WDR5: variants seen among roughly 807,000 people sequenced by gnomAD.
WDR5 encodes WD repeat-containing protein 5.
For missense variants in WDR5, 187 were observed against 416.9 expected (o/e 0.45, Z 4.80); for synonymous variants, 144 against 161.6 (o/e 0.89, Z 0.83).
At chr9:134,152,148 A>T (rs569471618) in intron 9 of WDR5, 119 bp downstream of exon 9, 8 of 1,210,836 alleles carry the variant, frequency 6.6e-6, no homozygotes, top group Admixed American at 2.4e-5. Context: ...CCCCTGCAGG[A>T]GGAACCTTCC....
Position 134,142,017 on chromosome 9 carries a change from G to A in WDR5, c.333G>A (p.Leu111=). The A allele has an allele frequency of 1.2e-6, 2 of 1,614,124 alleles. No homozygotes were observed. The highest frequency in any genetic ancestry group is 1.7e-6 in the Non-Finnish European group (2 of 1,180,024). The change falls in exon 5 of 14, where the codon TTG becomes TTA. Residue 111 remains leucine (L), a synonymous_variant. Coordinates refer to ENST00000358625, the MANE Select transcript of WDR5 (RefSeq NM_017588.3). ...LLVSASDDKT[L]KIWDVSSGKC... is the part of the protein sequence containing the mutation. ...TTTCTGCCTCAGATGACAAAACCTT[G>A]AAGATATGGGACGTGAGCTCGGTAA...
intron 9 of WDR5, 80 bp downstream of exon 9, chr9:134,152,109 C>G (rs532518137): frequency 6.8e-7 from 1 of 1,480,692 alleles, no homozygotes; most frequent in African/African-American, 1.4e-5. Flanking sequence ...TCTTCACCAG[C>G]TCCTCCTCCC....
At position 134,157,990 on chromosome 9, in the gene WDR5, C is replaced by T; in HGVS notation, c.1002C>T (p.Cys334=). The change falls in exon 14 of 14, where the codon TGC becomes TGT. Residue 334 remains cysteine, a synonymous_variant. Coordinates refer to ENST00000358625, the MANE Select transcript of WDR5 (RefSeq NM_017588.3). The surrounding 1 kb of genome is among the most constrained non-coding windows in gnomAD (Gnocchi z 5.0). The stretch of plus-strand genomic sequence containing the variant: ...CAATTAAACTGTGGAAGAGTGACTG[C>T]TAAGTCCCTTTGCTCCTGCCCGCGA... ...DKTIKLWKSD[C] is the part of the protein sequence containing the mutation. 6.2e-7 allele frequency: 1 copy of T among 1,613,684 alleles called. No individual in the cohort carries two copies. The highest frequency in any genetic ancestry group is 8.5e-7 in the Non-Finnish European group (1 of 1,179,614).
At chr9:134,149,609 C>T (rs1832394036) in intron 8 of WDR5, among the ~76,000 whole-genome samples, 1 of 152,148 alleles carries the variant, frequency 6.6e-6, no homozygotes, top group South Asian at 2.1e-4. Context: ...ACGGGACAGT[C>T]TCAGAATTAC....
chr9:134,159,837 C>T lies in WDR5; in HGVS notation c.*1844C>T, dbSNP rs1366147845. ...AGTCTTGTTCTGGGGGGACGGCCCA[C>T]TCCGGGGAGGGGGTGTGCTGTGCTG... On this transcript the variant is annotated 3_prime_UTR_variant, in exon 14 of 14. Transcript: ENST00000358625. This position sits in a 1 kb window ranked among gnomAD's most constrained non-coding sequence, Gnocchi z 4.3. 3.9e-5 allele frequency: 6 copies of T among 152,200 alleles called. No individual in the cohort carries two copies. Among genetic ancestry groups the T allele is most frequent in the Admixed American group, 3.3e-4 (5 of 15,276 alleles). 9.4% of individuals were successfully genotyped at this position (152,200 alleles called of 1,614,324 possible).
At chr9:134,155,935 G>A (rs1458119927) in intron 12 of WDR5, among the ~76,000 whole-genome samples, 168 bp downstream of exon 12, 4 of 152,242 alleles carry the variant, frequency 2.6e-5, no homozygotes, top group Non-Finnish European at 5.9e-5. Context: ...ACCTTGTCCC[G>A]TTTGTTTCTA....
At chr9:134,153,696 G>A (rs983396322) in intron 9 of WDR5, among the ~76,000 whole-genome samples, 3 of 152,118 alleles carry the variant, frequency 2.0e-5, no homozygotes, top group East Asian at 3.9e-4. Context: ...GCTGAGGGCC[G>A]TGTCCTTCCC....
rs1386431718 is a variant in WDR5 at position 134,157,316 on chromosome 9, G to A, written c.905-577G>A. Among the ~76,000 whole-genome samples, 1 of 152,196 alleles carries A rather than the reference G, an allele frequency of 6.6e-6. No homozygotes were observed. Among genetic ancestry groups the A allele is most frequent in the Non-Finnish European group, 1.5e-5 (1 of 68,040 alleles). ...GGGTTCTTTGGTTTACGTAGAAGCTGTAAACACTTTGATGTGGCCGACCTT... is the reference window on the plus strand; with the variant it reads ...GGGTTCTTTGGTTTACGTAGAAGCTATAAACACTTTGATGTGGCCGACCTT... On this transcript the variant is annotated intron_variant, in intron 13 of 13. Transcript: ENST00000358625. This position sits in a 1 kb window ranked among gnomAD's most constrained non-coding sequence, Gnocchi z 5.0.
chr9:134,155,483 A>G, intron 11 of WDR5, 110 bp downstream of exon 11: 2 of 1,437,030 alleles, frequency 1.4e-6, no homozygotes, highest in South Asian at 2.7e-5. Context: ...TCAGAGAGCC[A>G]TCTCCGCTGG....
chr9:134,136,968 C>T (rs1045359146), intron 1 of WDR5, among the ~76,000 whole-genome samples: 1 of 152,210 alleles, frequency 6.6e-6, no homozygotes, highest in Non-Finnish European at 1.5e-5. Flanking sequence ...AGGACCCAGG[C>T]GGGGAGCCTG....
intron 7 of WDR5, among the ~76,000 whole-genome samples, chr9:134,145,365 C>T (rs1333409346): frequency 1.3e-5 from 2 of 152,210 alleles, no homozygotes; most frequent in Non-Finnish European, 2.9e-5. Context: ...TCCCAAAGTG[C>T]TGGGATTACA....
rs1832837384 is a variant in WDR5 at position 134,158,193 on chromosome 9, C to T, written c.*200C>T. The T allele has an allele frequency of 3.6e-6, 2 of 552,318 alleles. No individual in the cohort carries two copies. The highest frequency in any genetic ancestry group is 6.4e-5 in the Admixed American group (2 of 31,456). 34.2% of individuals were successfully genotyped at this position (552,318 alleles called of 1,614,324 possible). ...TTCTTAAAAGTTGCTGGTGACATTT[C>T]TTGCCAATTCTAACACTGTCTAGGG... On this transcript the variant is annotated 3_prime_UTR_variant, in exon 14 of 14. Transcript: ENST00000358625.
At chr9:134,155,312 C>A in intron 10 of WDR5, 28 bp from the exon 11 acceptor site, 2 of 1,574,024 alleles carry the variant, frequency 1.3e-6, no homozygotes, top group South Asian at 1.2e-5. Context: ...TCCAGACATG[C>A]CGCCTCACCC....
In WDR5 at chr9:134,139,963, G is replaced by A. The variant is rs773623976; in HGVS notation, c.81+5G>A. The stretch of plus-strand genomic sequence containing the variant: ...TCATCCGCCACTCAGAGCAAGGTGC[G>A]TGCCCAGGGGCCCCTTGGACACCTT... On this transcript the variant is annotated splice_donor_5th_base_variant and intron_variant, in intron 2 of 13. Transcript: ENST00000358625. The A allele has an allele frequency of 3.2e-5, 52 of 1,613,530 alleles. No individual in the cohort carries two copies. The highest frequency in any genetic ancestry group is 1.1e-4 in the African/African-American group (8 of 74,896).
In WDR5 at chr9:134,155,358, C is replaced by T; in HGVS notation, c.726C>T (p.Asp242=). The T allele has an allele frequency of 6.2e-7, 1 of 1,608,148 alleles. No individual in the cohort carries two copies. Among genetic ancestry groups the T allele is most frequent in the Non-Finnish European group, 8.5e-7 (1 of 1,177,598 alleles). Residue 242 remains aspartate (D), a synonymous_variant, in exon 11 of 14, where the codon GAC becomes GAT. Coordinates refer to ENST00000358625, the MANE Select transcript of WDR5 (RefSeq NM_017588.3). ...ATLDNTLKLW[D]YSKGKCLKTY... ...CTTGCAGCACTCTGAAGCTCTGGGA[C>T]TACAGCAAGGGGAAGGTGAGCCCCC...
Position 134,158,058 on chromosome 9 carries a change from G to A in WDR5, c.*65G>A. 6.9e-7 allele frequency: 1 copy of A among 1,452,162 alleles called. No homozygotes were observed. The highest frequency in any genetic ancestry group is 9.7e-7 in the Non-Finnish European group (1 of 1,035,886). The allele number at this position is 1,452,162 out of a possible 1,614,324, so 90.0% of individuals were successfully genotyped here. Reference sequence around the variant, plus strand: ...GACCCGGATTGGCAAGAAACAGGGTGTCTTGGAGGTGGTCCCCCAGATCTG... The same window carrying A: ...GACCCGGATTGGCAAGAAACAGGGTATCTTGGAGGTGGTCCCCCAGATCTG... On this transcript the variant is annotated 3_prime_UTR_variant, in exon 14 of 14. Coordinates refer to ENST00000358625, the MANE Select transcript of WDR5 (RefSeq NM_017588.3).
Position 134,141,464 on chromosome 9 carries a change from CA to C in WDR5, c.191-44del, listed in dbSNP as rs1564189041. On this transcript the variant is annotated intron_variant, in intron 3 of 13. Transcript: ENST00000358625. ...AGACTTTGGACTCTGGATGACTAGA[CA>C]ATTGTGTCCTGCTCTTAGCCTCAGA... 4.4e-6 allele frequency: 7 copies of C among 1,594,718 alleles called. No individual in the cohort carries two copies. In the South Asian group the frequency reaches 4.4e-5, roughly 10 times the overall value.
At chr9:134,147,032 G>T (rs1416056851) in intron 7 of WDR5, among the ~76,000 whole-genome samples, 1 of 152,114 alleles carries the variant, frequency 6.6e-6, no homozygotes, top group Admixed American at 6.5e-5. Flanking sequence ...GGCTGTGTGA[G>T]GTACCTGCAG....
chr9:134,136,422 C>T (rs1345917113), intron 1 of WDR5, among the ~76,000 whole-genome samples: 1 of 151,706 alleles, frequency 6.6e-6, no homozygotes, highest in Admixed American at 6.6e-5. Flanking sequence ...TCCGCCCCCA[C>T]TCGCGCCCCC....
Sources: allele counts gnomAD v4.1 joint callset (sites outside exome capture counted in the v4.1 genomes callset), GRCh38; gene constraint gnomAD v4.1.1; non-coding constraint Gnocchi (gnomAD v3.1); transcripts MANE v1.5; gene names NCBI Gene and HGNC (gene_info 2026-07-23, HGNC 2026-07-21).